The following DLGAP1 variants were observed in gnomAD, a reference collection of about 807,000 sequenced individuals.
DLGAP1 encodes the protein disks large-associated protein 1.
A neutral mutation model predicts 90.8 loss-of-function variants in DLGAP1; 11 were observed. The ratio of observed to expected loss-of-function variants is 0.12; its 90% CI spans 0.08 to 0.20. The LOEUF (loss-of-function observed/expected upper bound fraction) is 0.20. Among genes scored for constraint, DLGAP1 ranks in the 10% least tolerant of loss-of-function variants. The probability of loss-of-function intolerance (pLI) is 1.00; values close to 1 mark genes in which losing one functional copy is unlikely to be tolerated. For synonymous variants in DLGAP1, 558 were observed against 540.7 expected (o/e 1.03, Z -0.44); for missense variants, 1,050 against 1,333.8 (o/e 0.79, Z 3.31).
chr18:3,939,750 T>TA (rs2072729872), intron 3 of DLGAP1, among the ~76,000 whole-genome samples: 1 of 151,976 alleles, frequency 6.6e-6, no homozygotes, highest in African/African-American at 2.4e-5. Flanking sequence ...GGAATAATAA[T>TA]AAAAAATATG....
intron 7 of DLGAP1, among the ~76,000 whole-genome samples, chr18:3,628,252 T>G (rs986569201): frequency 6.7e-6 from 1 of 149,122 alleles, no homozygotes; most frequent in Non-Finnish European, 1.5e-5. Context: ...TGCAGTGGTG[T>G]GATCTTGGCT....
intron 7 of DLGAP1, among the ~76,000 whole-genome samples, chr18:3,723,873 C>T (rs906268277): frequency 2.7e-4 from 41 of 152,180 alleles, no homozygotes; most frequent in African/African-American, 9.7e-4. Context: ...ACTGTAAATA[C>T]TTCTGTTACT....
chr18:3,875,565 C>A (rs184643486), intron 4 of DLGAP1, among the ~76,000 whole-genome samples: 1 of 152,160 alleles, frequency 6.6e-6, no homozygotes, highest in East Asian at 1.9e-4. Context: ...TTTGACCCAA[C>A]GTGTTGCCAC....
intron 3 of DLGAP1, among the ~76,000 whole-genome samples, chr18:3,994,735 G>A (rs1402031818): frequency 6.6e-6 from 1 of 152,174 alleles, no homozygotes; most frequent in East Asian, 1.9e-4. Context: ...AGAACCACCT[G>A]CTGCTAAATT....
chr18:4,079,956 C>T (rs2075581624), intron 2 of DLGAP1, among the ~76,000 whole-genome samples: 2 of 152,078 alleles, frequency 1.3e-5, no homozygotes, highest in Non-Finnish European at 1.5e-5. Flanking sequence ...TTCATCTATT[C>T]CCACATGATT....
intron 1 of DLGAP1, among the ~76,000 whole-genome samples, chr18:4,296,406 C>A (rs1202009838): frequency 1.3e-5 from 2 of 152,150 alleles, no homozygotes; most frequent in Non-Finnish European, 2.9e-5. Flanking sequence ...AAAGGAGGGC[C>A]ACTCTCAGAA....
intron 7 of DLGAP1, among the ~76,000 whole-genome samples, chr18:3,637,571 C>A (rs1335621151): frequency 1.8e-5 from 2 of 111,636 alleles, no homozygotes; most frequent in African/African-American, 4.2e-5. Flanking sequence ...CTGTCTCCCC[C>A]ACCAAAAAAA....
At chr18:4,370,448 G>A (rs2081891407) in intron 1 of DLGAP1, among the ~76,000 whole-genome samples, 1 of 152,194 alleles carries the variant, frequency 6.6e-6, no homozygotes, top group Non-Finnish European at 1.5e-5. Flanking sequence ...GGTAATTACT[G>A]AGATCACTTG....
rs895683659 is a variant in DLGAP1, at chr18:4,197,533, G to A, written c.-266-46246C>T. Among the ~76,000 whole-genome samples, 4 of 152,140 alleles carry A rather than the reference G, an allele frequency of 2.6e-5. No homozygotes were observed. The East Asian group carries it at 5.8e-4, about 22-fold the overall frequency. On this transcript the variant is annotated intron_variant, in intron 1 of 12. Transcript: ENST00000315677. ...GTGGCATTGTGAAGTGGCAGAGCAT[G>A]ACCAGATTGATAGGATTTGACAAGG...
At chr18:3,632,645 C>T (rs1033054525) in intron 7 of DLGAP1, among the ~76,000 whole-genome samples, 1 of 152,096 alleles carries the variant, frequency 6.6e-6, no homozygotes, top group Non-Finnish European at 1.5e-5. Context: ...TGGGTTGTTT[C>T]TCTCATTTAT....
At chr18:3,678,787 T>G (rs1183044281) in intron 7 of DLGAP1, among the ~76,000 whole-genome samples, 2 of 152,168 alleles carry the variant, frequency 1.3e-5, no homozygotes, top group Non-Finnish European at 1.5e-5. Flanking sequence ...TCTACCCAAA[T>G]ATAAAACAAA....
intron 7 of DLGAP1, among the ~76,000 whole-genome samples, chr18:3,592,900 GAAAAAGAAAA>G (rs1377121135): frequency 1.5e-4 from 10 of 67,010 alleles, no homozygotes; most frequent in East Asian, 4.1e-4. Flanking sequence ...AAAAGAAAAA[GAAAAAGAAAA>G]AAAAGAAAGA....
chr18:4,011,838 G>GACA lies in DLGAP1; in HGVS notation c.-158-6640_-158-6638dup, dbSNP rs1286624110. ...GTGTGAACATGACCCTGTCTCAAACGACAACAACAACAACAACACAAAACC... is the reference window on the plus strand; with the variant it reads ...GTGTGAACATGACCCTGTCTCAAACGACAACAACAACAACAACAACACAAAACC... On this transcript the variant is annotated intron_variant, in intron 2 of 12. Coordinates refer to ENST00000315677, the MANE Select transcript of DLGAP1 (RefSeq NM_004746.4). Among the ~76,000 whole-genome samples the GACA allele has an allele frequency of 2.6e-4, 40 of 151,352 alleles. 1 individual carries two copies. The Middle Eastern group carries it at 0.01, about 39-fold the overall frequency.
chr18:3,783,298 G>C (rs540880332), intron 5 of DLGAP1, among the ~76,000 whole-genome samples: 1 of 152,246 alleles, frequency 6.6e-6, no homozygotes, highest in Admixed American at 6.5e-5. Context: ...TCTGCTCCTA[G>C]CTATATACTT....
At chr18:3,726,878 T>C (rs1178912897) in intron 7 of DLGAP1, among the ~76,000 whole-genome samples, 1 of 152,170 alleles carries the variant, frequency 6.6e-6, no homozygotes, top group East Asian at 1.9e-4. Flanking sequence ...ATAAGATTCA[T>C]AGAGTCCAAG....
At chr18:4,305,647 AG>A (rs1410239535) in intron 1 of DLGAP1, among the ~76,000 whole-genome samples, 1 of 152,168 alleles carries the variant, frequency 6.6e-6, no homozygotes, top group African/African-American at 2.4e-5. Flanking sequence ...CAATTTTCTA[AG>A]TAAAGTACTA....
At chr18:3,521,349 C>G (rs1226375382) in intron 10 of DLGAP1, among the ~76,000 whole-genome samples, 1 of 152,104 alleles carries the variant, frequency 6.6e-6, no homozygotes, top group Non-Finnish European at 1.5e-5. Flanking sequence ...TCCTTGGTTC[C>G]CCTGCTCCAT....
At chr18:3,895,399 T>C (rs183928093) in intron 3 of DLGAP1, among the ~76,000 whole-genome samples, 16 of 152,132 alleles carry the variant, frequency 1.1e-4, no homozygotes, top group Admixed American at 5.9e-4. Context: ...GTAGCAAATC[T>C]ACATCCAGAT....
chr18:3,875,128 A>C (rs1262930622), intron 4 of DLGAP1, among the ~76,000 whole-genome samples: 4 of 152,198 alleles, frequency 2.6e-5, no homozygotes, highest in African/African-American at 9.6e-5. Context: ...GGACATAATC[A>C]GTTGTTTCAT....
Sources: allele counts gnomAD v4.1 joint callset (sites outside exome capture counted in the v4.1 genomes callset), GRCh38; gene constraint gnomAD v4.1.1; transcripts MANE v1.5; gene names NCBI Gene and HGNC (gene_info 2026-07-23, HGNC 2026-07-21).